Variants in EEFSEC observed in about 807,000 individuals in gnomAD.
EEFSEC encodes the protein selenocysteine-specific elongation factor.
Under a neutral mutation model 42.1 loss-of-function variants are expected in EEFSEC, and 43 were observed. That is an observed-to-expected ratio of 1.02 (90% CI 0.80 to 1.32). The LOEUF (loss-of-function observed/expected upper bound fraction) is 1.32, where lower values mean the gene tolerates loss of function less well. Among genes scored for constraint, EEFSEC ranks in the 40% most tolerant of loss-of-function variants. EEFSEC has a pLI of 0.00. For missense variants in EEFSEC, 745 were observed against 803.6 expected (o/e 0.93, Z 0.88); for synonymous variants, 354 against 339.1 (o/e 1.04, Z -0.48).
At chr3:128,228,148 G>T (rs369736779) in intron 1 of EEFSEC, among the ~76,000 whole-genome samples, 1 of 152,292 alleles carries the variant, frequency 6.6e-6, no homozygotes, top group East Asian at 1.9e-4. Flanking sequence ...TATTTGTTGA[G>T]CACCTATTCT....
chr3:128,353,669 A>T (rs931097997), intron 5 of EEFSEC, among the ~76,000 whole-genome samples: 4 of 152,138 alleles, frequency 2.6e-5, no homozygotes, highest in Non-Finnish European at 4.4e-5. Context: ...GTCTGGGCTC[A>T]TTTGCTGCTT....
At chr3:128,294,024 G>C (rs1428749994) in intron 4 of EEFSEC, among the ~76,000 whole-genome samples, 1 of 152,186 alleles carries the variant, frequency 6.6e-6, no homozygotes, top group African/African-American at 2.4e-5. Context: ...TTCTATTCTT[G>C]GTGAGAAGTC....
chr3:128,257,444 A>G (rs910439259), intron 2 of EEFSEC, among the ~76,000 whole-genome samples: 1 of 152,146 alleles, frequency 6.6e-6, no homozygotes, highest in African/African-American at 2.4e-5. Context: ...CCCACTAACT[A>G]GAGCTCCAAG....
intron 1 of EEFSEC, among the ~76,000 whole-genome samples, chr3:128,230,598 G>A (rs1267144721): frequency 1.3e-5 from 2 of 152,174 alleles, no homozygotes; most frequent in Non-Finnish European, 2.9e-5. Context: ...TGAAGCACCT[G>A]CTGTCTTCCA....
At chr3:128,424,610 C>T in the EEFSEC span, among the ~76,000 whole-genome samples, 5 of 152,070 alleles carry the variant, frequency 3.3e-5, no homozygotes, top group Non-Finnish European at 5.9e-5. Context: ...CTTGTGAACT[C>T]CTGTCCTCAA....
intron 1 of EEFSEC, among the ~76,000 whole-genome samples, chr3:128,212,208 GGAGT>G (rs1211265953): frequency 6.6e-6 from 1 of 152,182 alleles, no homozygotes; most frequent in African/African-American, 2.4e-5. Context: ...GTGTGAAATG[GGAGT>G]TTGGAAACGT....
rs550614023 is a variant in EEFSEC, at chr3:128,328,934, T to C, written c.787-12299T>C. On this transcript the variant is annotated intron_variant, in intron 4 of 6. Transcript: ENST00000254730. ...TTGCAGCCACCTCAGTCCCTGGGAT[T>C]TGGGTTTGGAATAGGATACCCTGTG... 7.9e-5 allele frequency among the ~76,000 whole-genome samples: 12 copies of C among 152,292 alleles called. No individual in the cohort carries two copies. In the South Asian group the frequency reaches 2.5e-3, roughly 32 times the overall value.
At chr3:128,418,821 T>C in the EEFSEC span, among the ~76,000 whole-genome samples, 5 of 152,176 alleles carry the variant, frequency 3.3e-5, no homozygotes, top group Non-Finnish European at 7.3e-5. Context: ...AGGCACTGAG[T>C]TGGGGTTGGT....
intron 5 of EEFSEC, among the ~76,000 whole-genome samples, chr3:128,346,299 T>G (rs998823639): frequency 5.3e-5 from 8 of 152,258 alleles, no homozygotes; most frequent in Non-Finnish European, 8.8e-5. Flanking sequence ...TTTAATTAAC[T>G]TACCATTGGT....
chr3:128,412,018 G>T (rs2068177481), downstream of EEFSEC, among the ~76,000 whole-genome samples: 1 of 152,238 alleles, frequency 6.6e-6, no homozygotes, highest in Non-Finnish European at 1.5e-5. Context: ...GTGTTTGTCA[G>T]TGTGTGTATC....
intron 6 of EEFSEC, among the ~76,000 whole-genome samples, chr3:128,390,401 C>T (rs1576695613): frequency 6.6e-6 from 1 of 152,238 alleles, no homozygotes; most frequent in Non-Finnish European, 1.5e-5. Context: ...GGGACCTTTT[C>T]GCCTCTTTGC....
chr3:128,156,897 G>A (rs974737880), intron 1 of EEFSEC, among the ~76,000 whole-genome samples: 1 of 152,204 alleles, frequency 6.6e-6, no homozygotes, highest in Non-Finnish European at 1.5e-5. Context: ...AGAGTTGCAA[G>A]TCTCTCACTT....
chr3:128,216,722 C>T (rs535329328), intron 1 of EEFSEC, among the ~76,000 whole-genome samples: 1 of 152,390 alleles, frequency 6.6e-6, no homozygotes, highest in South Asian at 2.1e-4. Flanking sequence ...CCTGTTGGCC[C>T]TGCTCACAGA....
chr3:128,421,691 C>A, the EEFSEC span, among the ~76,000 whole-genome samples: 1 of 152,174 alleles, frequency 6.6e-6, no homozygotes, highest in Non-Finnish European at 1.5e-5. Flanking sequence ...TGGGGGGGCG[C>A]ATTCCTCCGG....
chr3:128,296,615 C>A (rs886409967), intron 4 of EEFSEC, among the ~76,000 whole-genome samples: 9 of 151,292 alleles, frequency 5.9e-5, no homozygotes, highest in Non-Finnish European at 1.2e-4. Flanking sequence ...CATGTGGGCA[C>A]CTCAGGAGGC....
chr3:128,195,591 G>T (rs1172816657), intron 1 of EEFSEC, among the ~76,000 whole-genome samples: 2 of 152,200 alleles, frequency 1.3e-5, no homozygotes, highest in African/African-American at 4.8e-5. Context: ...TCCAGGCTCT[G>T]CGAACCTCTG....
intron 2 of EEFSEC, among the ~76,000 whole-genome samples, chr3:128,256,364 G>A (rs1431473683): frequency 6.6e-6 from 1 of 152,122 alleles, no homozygotes; most frequent in Non-Finnish European, 1.5e-5. Context: ...AAAGTCCCTT[G>A]AAGCAGAGAA....
chr3:128,362,077 A>G (rs2067532604), intron 6 of EEFSEC: 1 of 366,542 alleles, frequency 2.7e-6, no homozygotes. Flanking sequence ...CATGTCTTCA[A>G]AGAATCTGGA....
intron 4 of EEFSEC, among the ~76,000 whole-genome samples, chr3:128,296,381 C>T (rs1281534176): frequency 2.0e-5 from 3 of 152,102 alleles, no homozygotes; most frequent in Admixed American, 6.5e-5. Flanking sequence ...CTCATCCTGG[C>T]CACCCATAAG....
Sources: allele counts gnomAD v4.1 joint callset (sites outside exome capture counted in the v4.1 genomes callset), GRCh38; gene constraint gnomAD v4.1.1; transcripts MANE v1.5; gene names NCBI Gene and HGNC (gene_info 2026-07-23, HGNC 2026-07-21).